The following SYT16 variants were observed in gnomAD, a reference collection of about 807,000 sequenced individuals.
The protein encoded by SYT16 is synaptotagmin-16.
SYT16 carries 42 observed loss-of-function variants against 61.4 expected under a neutral mutation model. That is an observed-to-expected ratio of 0.68 (90% confidence interval 0.53 to 0.89). The LOEUF is 0.89. SYT16 is among the 40% of genes least tolerant of loss of function. SYT16 has a pLI of 0.00. For synonymous variants in SYT16, 314 were observed against 302.3 expected (o/e 1.04, Z -0.40); for missense variants, 804 against 807.3 (o/e 1.00, Z 0.05).
intron 5 of SYT16, 77 bp downstream of exon 5, chr14:62,075,468 T>TAAAAAAAAAAAA (rs35857227): frequency 9.5e-7 from 1 of 1,052,782 alleles, no homozygotes. Context: ...CTCATCTCTC[T>TAAAAAAAAAAAA]AAAAAAAAAA....
At chr14:62,050,551 A>T (rs747135316) in intron 3 of SYT16, among the ~76,000 whole-genome samples, 51 of 152,042 alleles carry the variant, frequency 3.4e-4, no homozygotes, top group Non-Finnish European at 6.0e-4. Flanking sequence ...AGGCGCTCCG[A>T]ATTTTAGAGT....
intron 1 of SYT16, among the ~76,000 whole-genome samples, chr14:61,833,706 C>CTTTT (rs11357318): frequency 1.9e-3 from 91 of 48,214 alleles, no homozygotes; most frequent in Admixed American, 2.3e-3. Context: ...CCAGCAGTGG[C>CTTTT]TTTTTTTTTT....
At chr14:61,874,641 A>T (rs2047430647) in intron 1 of SYT16, among the ~76,000 whole-genome samples, 3 of 152,216 alleles carry the variant, frequency 2.0e-5, no homozygotes, top group Admixed American at 2.0e-4. Context: ...GTCCATCCAG[A>T]TGAGACTCTT....
intron 1 of SYT16, among the ~76,000 whole-genome samples, chr14:61,839,310 A>G (rs551247424): frequency 6.6e-6 from 1 of 152,270 alleles, no homozygotes; most frequent in South Asian, 2.1e-4. Context: ...CCATGTGAGG[A>G]CACATCAAGA....
intron 1 of SYT16, among the ~76,000 whole-genome samples, chr14:61,871,271 C>G (rs750162718): frequency 2.6e-4 from 40 of 151,040 alleles, no homozygotes; most frequent in Non-Finnish European, 4.9e-4. Flanking sequence ...TTTATGAGCT[C>G]TAGGGATTTT....
chr14:61,864,813 C>G, intron 1 of SYT16: 1 of 973,620 alleles, frequency 1.0e-6, no homozygotes, highest in Non-Finnish European at 1.6e-6. Flanking sequence ...GGCTAAATCA[C>G]AGTCTACCAT....
chr14:61,858,288 G>A (rs1285545722), intron 1 of SYT16, among the ~76,000 whole-genome samples: 2 of 152,024 alleles, frequency 1.3e-5, no homozygotes, highest in African/African-American at 2.4e-5. Context: ...CCAGAAGTTA[G>A]GATCTTTCTT....
intron 2 of SYT16, among the ~76,000 whole-genome samples, chr14:61,988,029 C>G (rs912978909): frequency 2.0e-5 from 3 of 152,030 alleles, no homozygotes; most frequent in Non-Finnish European, 4.4e-5. Flanking sequence ...ATTTTGCCTT[C>G]TTCAATTTTA....
chr14:61,974,093 G>A (rs992304011), intron 2 of SYT16, among the ~76,000 whole-genome samples: 6 of 152,182 alleles, frequency 3.9e-5, no homozygotes, highest in East Asian at 1.9e-4. Flanking sequence ...TGGTGGTGCC[G>A]GAGGGAGAGA....
chr14:61,840,266 G>A (rs1472137991), intron 1 of SYT16, among the ~76,000 whole-genome samples: 1 of 152,212 alleles, frequency 6.6e-6, no homozygotes, highest in Non-Finnish European at 1.5e-5. Context: ...GGATAGGGAG[G>A]CAAGGTGCGC....
At chr14:61,968,635 A>G (rs1185996382) in intron 1 of SYT16, among the ~76,000 whole-genome samples, 3 of 152,190 alleles carry the variant, frequency 2.0e-5, no homozygotes, top group Non-Finnish European at 4.4e-5. Context: ...TGCCACATCA[A>G]TTACTTTCCA....
chr14:62,057,029 G>T (rs10147658), intron 3 of SYT16, among the ~76,000 whole-genome samples: 7,671 of 152,228 alleles, frequency 0.05, 495 homozygotes, highest in East Asian at 0.15. Flanking sequence ...ACAGGAGGAG[G>T]ACACTGCGGT....
chr14:61,888,148 G>A (rs1484427252), intron 1 of SYT16, among the ~76,000 whole-genome samples: 4 of 140,204 alleles, frequency 2.9e-5, no homozygotes, highest in African/African-American at 8.0e-5. Flanking sequence ...TTTTTGAGAC[G>A]GAATCTCACT....
At chr14:61,899,856 C>T (rs965278857) in intron 1 of SYT16, among the ~76,000 whole-genome samples, 1 of 152,086 alleles carries the variant, frequency 6.6e-6, no homozygotes, top group Non-Finnish European at 1.5e-5. Context: ...CAGTGAATCT[C>T]CCAGGGAGGA....
chr14:61,855,308 G>T (rs1383225595), intron 1 of SYT16, among the ~76,000 whole-genome samples: 4 of 152,198 alleles, frequency 2.6e-5, no homozygotes, highest in Non-Finnish European at 5.9e-5. Flanking sequence ...GATGTATACA[G>T]ATGCTCCTTG....
intron 1 of SYT16, among the ~76,000 whole-genome samples, chr14:61,911,225 T>C (rs1182610477): frequency 6.6e-6 from 1 of 152,186 alleles, no homozygotes; most frequent in East Asian, 1.9e-4. Context: ...AGGTTGAATT[T>C]TCAAGGACCG....
chr14:61,994,455 T>C (rs1391183472), intron 2 of SYT16, among the ~76,000 whole-genome samples: 1 of 152,178 alleles, frequency 6.6e-6, no homozygotes, highest in Non-Finnish European at 1.5e-5. Context: ...TTGAGAATCA[T>C]TGGCTTTGAC....
intron 1 of SYT16, among the ~76,000 whole-genome samples, chr14:61,952,275 G>C (rs1011914624): frequency 1.3e-5 from 2 of 152,056 alleles, no homozygotes; most frequent in Non-Finnish European, 2.9e-5. Context: ...ATCACCTTTT[G>C]CTGGTTTTCT....
intron 1 of SYT16, among the ~76,000 whole-genome samples, chr14:61,899,916 G>A (rs2048452959): frequency 6.6e-6 from 1 of 152,152 alleles, no homozygotes; most frequent in African/African-American, 2.4e-5. Flanking sequence ...CCCTTTCTTG[G>A]TGTTGATCTA....
Sources: allele counts gnomAD v4.1 joint callset (sites outside exome capture counted in the v4.1 genomes callset), GRCh38; gene constraint gnomAD v4.1.1; transcripts MANE v1.5; gene names NCBI Gene and HGNC (gene_info 2026-07-23, HGNC 2026-07-21).